The following ERC2 variants were observed in gnomAD, a reference collection of about 807,000 sequenced individuals.
The protein encoded by ERC2 is ERC protein 2.
ERC2 carries 42 observed loss-of-function variants against 114.8 expected under a neutral mutation model. That is an observed-to-expected ratio of 0.37 (90% confidence interval 0.29 to 0.47). The LOEUF is 0.47. ERC2 is among the 20% of genes least tolerant of loss of function. The pLI, the probability that ERC2 is intolerant of heterozygous loss-of-function variation, is 0.99. For synonymous variants in ERC2, 454 were observed against 425.5 expected (o/e 1.07, Z -0.82); for missense variants, 939 against 1,150.7 (o/e 0.82, Z 2.66).
Position 55,936,098 on chromosome 3 carries a change from T to A in ERC2, c.2403+14327A>T, listed in dbSNP as rs149908159. Among the ~76,000 whole-genome samples, 547 of 152,066 alleles carry A rather than the reference T, an allele frequency of 3.6e-3. 2 individuals are homozygous for A. The highest frequency in any genetic ancestry group is 0.012 in the African/African-American group (515 of 41,484). On this transcript the variant is annotated intron_variant, in intron 13 of 17. Coordinates refer to ENST00000288221, the MANE Select transcript of ERC2 (RefSeq NM_015576.3). ...ACACAGGTCCTCACTTCGAAGGAGG[T>A]CTCCATTGAGTCTCAGGCAGAACAC...
At chr3:56,094,120 C>T (rs1431734566) in intron 6 of ERC2, among the ~76,000 whole-genome samples, 1 of 152,134 alleles carries the variant, frequency 6.6e-6, no homozygotes, top group Non-Finnish European at 1.5e-5. Flanking sequence ...ATAATAATAT[C>T]CTTCAGAATA....
At chr3:56,129,014 T>C (rs2149882227) in intron 6 of ERC2, among the ~76,000 whole-genome samples, 1 of 152,280 alleles carries the variant, frequency 6.6e-6, no homozygotes, top group Admixed American at 6.5e-5. Flanking sequence ...AAAATAAATT[T>C]CACAGACCTC....
At chr3:55,572,967 C>T (rs2056798176) in intron 17 of ERC2, among the ~76,000 whole-genome samples, 1 of 152,188 alleles carries the variant, frequency 6.6e-6, no homozygotes, top group African/African-American at 2.4e-5. Context: ...CCTCTGAAAC[C>T]CCCTTTATAT....
At chr3:55,953,145 C>A (rs2067698330) in intron 12 of ERC2, among the ~76,000 whole-genome samples, 1 of 149,852 alleles carries the variant, frequency 6.7e-6, no homozygotes, top group South Asian at 2.1e-4. Context: ...GCACAGGTTG[C>A]AGTGAGCCAA....
intron 14 of ERC2, among the ~76,000 whole-genome samples, chr3:55,825,871 T>A (rs562389465): frequency 6.6e-6 from 1 of 152,218 alleles, no homozygotes. Flanking sequence ...TATTCCTATC[T>A]CTACACCTCT....
At chr3:55,728,842 A>C (rs925934304) in intron 15 of ERC2, among the ~76,000 whole-genome samples, 1 of 152,138 alleles carries the variant, frequency 6.6e-6, no homozygotes, top group Non-Finnish European at 1.5e-5. Flanking sequence ...AAAGTCACGG[A>C]GGGTATTTTG....
At chr3:55,582,350 G>A (rs2057305327) in intron 17 of ERC2, among the ~76,000 whole-genome samples, 1 of 152,188 alleles carries the variant, frequency 6.6e-6, no homozygotes, top group Non-Finnish European at 1.5e-5. Context: ...ATAGATGGAT[G>A]GATGCACTGA....
chr3:55,607,492 G>A (rs141254889), intron 17 of ERC2, among the ~76,000 whole-genome samples: 1 of 152,112 alleles, frequency 6.6e-6, no homozygotes, highest in African/African-American at 2.4e-5. Context: ...AGAGCACCCA[G>A]ATTTGGAGTC....
intron 2 of ERC2, among the ~76,000 whole-genome samples, chr3:56,313,871 T>C (rs2056738085): frequency 6.6e-6 from 1 of 152,204 alleles, no homozygotes; most frequent in South Asian, 2.1e-4. Flanking sequence ...GCTATTCTGA[T>C]TAAAGAAAAA....
intron 16 of ERC2, among the ~76,000 whole-genome samples, chr3:55,684,225 G>C (rs2062210116): frequency 6.6e-6 from 1 of 152,116 alleles, no homozygotes; most frequent in South Asian, 2.1e-4. Context: ...AACCTTTTAA[G>C]TAAGCAGAGA....
chr3:55,904,007 C>T (rs1190322889), intron 13 of ERC2, among the ~76,000 whole-genome samples: 1 of 152,174 alleles, frequency 6.6e-6, no homozygotes, highest in Admixed American at 6.5e-5. Context: ...GTTACATAGC[C>T]CTCGGGGACT....
In ERC2 at chr3:56,388,254, C is replaced by T. The variant is rs975185999; in HGVS notation, c.657+46097G>A. Among the ~76,000 whole-genome samples, 4 of 152,076 alleles carry T rather than the reference C, an allele frequency of 2.6e-5. No individual in the cohort carries two copies. The East Asian group carries it at 5.8e-4, about 22-fold the overall frequency. ...GGTGCTTGGATCATGGGGACAGATC[C>T]CTCATGAATGTCTTGGTGCCATTCT... On this transcript the variant is annotated intron_variant, in intron 2 of 17. Coordinates refer to ENST00000288221, the MANE Select transcript of ERC2 (RefSeq NM_015576.3).
At chr3:55,653,041 C>T (rs1307238238) in intron 17 of ERC2, among the ~76,000 whole-genome samples, 1 of 152,084 alleles carries the variant, frequency 6.6e-6, no homozygotes, top group Non-Finnish European at 1.5e-5. Context: ...AAGTCTCACA[C>T]TCATCTACCA....
intron 13 of ERC2, among the ~76,000 whole-genome samples, chr3:55,944,164 C>T (rs946225360): frequency 6.6e-6 from 1 of 152,186 alleles, no homozygotes; most frequent in African/African-American, 2.4e-5. Flanking sequence ...TCAAACTCTA[C>T]CCCCATAATA....
intron 13 of ERC2, among the ~76,000 whole-genome samples, chr3:55,918,978 G>A (rs755141291): frequency 3.3e-5 from 5 of 152,052 alleles, no homozygotes; most frequent in African/African-American, 2.4e-5. Flanking sequence ...ATTCTCATAC[G>A]TTTTCTCAAA....
chr3:55,747,484 C>T (rs1040100328), intron 14 of ERC2, among the ~76,000 whole-genome samples: 8 of 152,144 alleles, frequency 5.3e-5, no homozygotes, highest in African/African-American at 1.7e-4. Context: ...CTGGAAATAA[C>T]TGAAAGTCCA....
At chr3:56,442,600 G>A (rs144434545) in intron 1 of ERC2, among the ~76,000 whole-genome samples, 4 of 152,238 alleles carry the variant, frequency 2.6e-5, no homozygotes, top group East Asian at 1.9e-4. Context: ...TCTGACAAAT[G>A]TTCAGATAAA....
At chr3:55,963,094 T>C (rs1406637875) in intron 12 of ERC2, among the ~76,000 whole-genome samples, 2 of 152,200 alleles carry the variant, frequency 1.3e-5, no homozygotes, top group African/African-American at 4.8e-5. Flanking sequence ...CTCAGCAGCT[T>C]TAATGCCACA....
At chr3:56,033,048 GAAAGAAAGAA>G in intron 7 of ERC2, among the ~76,000 whole-genome samples, 2 of 101,300 alleles carry the variant, frequency 2.0e-5, no homozygotes, top group Non-Finnish European at 4.8e-5. Flanking sequence ...AAGAAAGAAA[GAAAGAAAGAA>G]AGAAAGAAAG....
Sources: gnomAD v4.1 joint callset for allele counts (sites outside exome capture counted in the v4.1 genomes callset) on GRCh38, gnomAD v4.1.1 for gene constraint, MANE v1.5 for transcripts, NCBI Gene and HGNC (gene_info 2026-07-23, HGNC 2026-07-21) for gene names.